Variants in ASNS observed in about 807,000 individuals in gnomAD.
The protein encoded by ASNS is asparagine synthetase (glutamine-hydrolyzing).
ASNS carries 37 observed loss-of-function variants against 62.6 expected under a neutral mutation model. The observed-to-expected ratio is 0.59, with a 90% CI of 0.45 to 0.78. The LOEUF is 0.78. Ranked by LOEUF, ASNS falls within the 30% of genes least tolerant of loss-of-function variation. The probability of loss-of-function intolerance (pLI) is 0.00; values close to 1 mark genes in which losing one functional copy is unlikely to be tolerated. For synonymous variants in ASNS, 207 were observed against 237.9 expected (o/e 0.87, Z 1.19); for missense variants, 520 against 682.4 (o/e 0.76, Z 2.65).
the ASNS span, among the ~76,000 whole-genome samples, chr7:97,913,926 G>T: frequency 6.6e-6 from 1 of 151,442 alleles, no homozygotes; most frequent in African/African-American, 2.4e-5. Context: ...GTGGAGAAAT[G>T]GATAAGTGGG....
chr7:97,857,061 C>T (rs1397415904), intron 7 of ASNS, among the ~76,000 whole-genome samples: 1 of 152,188 alleles, frequency 6.6e-6, no homozygotes, highest in Admixed American at 6.5e-5. Context: ...AAGGCTTCAA[C>T]CATTCTCCCA....
chr7:97,886,653 CAAA>C, the ASNS span, among the ~76,000 whole-genome samples: 1 of 145,118 alleles, frequency 6.9e-6, no homozygotes, highest in Non-Finnish European at 1.5e-5. Flanking sequence ...TAGTTAAAAA[CAAA>C]AAAAAAAGAA....
chr7:97,884,758 A>T, the ASNS span, among the ~76,000 whole-genome samples: 1 of 152,206 alleles, frequency 6.6e-6, no homozygotes, highest in Non-Finnish European at 1.5e-5. Context: ...TGATTTGCCC[A>T]TTTAAAGTGA....
intron 8 of ASNS, among the ~76,000 whole-genome samples, chr7:97,856,141 C>T (rs1282652517): frequency 1.3e-5 from 2 of 152,132 alleles, no homozygotes; most frequent in African/African-American, 4.8e-5. Context: ...GATATTTTTG[C>T]CTTCCAAGGC....
the ASNS span, among the ~76,000 whole-genome samples, chr7:97,902,926 C>A: frequency 6.6e-6 from 1 of 152,110 alleles, no homozygotes; most frequent in East Asian, 1.9e-4. Context: ...GCTATTTTGC[C>A]CCCTGGGGAC....
At chr7:97,854,792 G>T in intron 9 of ASNS, 112 bp from the exon 10 acceptor site, 1 of 1,551,340 alleles carries the variant, frequency 6.4e-7, no homozygotes, top group Non-Finnish European at 8.7e-7. Flanking sequence ...ACAAATTTAG[G>T]GAAGGGAGTA....
At chr7:97,883,987 C>CAAAAAAAAAAAAA in the ASNS span, among the ~76,000 whole-genome samples, 1 of 104,366 alleles carries the variant, frequency 9.6e-6, no homozygotes, top group African/African-American at 3.8e-5. Flanking sequence ...GACTCCATCT[C>CAAAAAAAAAAAAA]AAAAAAAAAA....
the ASNS span, among the ~76,000 whole-genome samples, chr7:97,920,307 T>C: frequency 2.0e-5 from 3 of 152,262 alleles, no homozygotes; most frequent in African/African-American, 7.2e-5. Flanking sequence ...CCTGGCCCTC[T>C]TGTCCTAACT....
chr7:97,927,601 AAAG>A, the ASNS span, among the ~76,000 whole-genome samples: 1 of 152,266 alleles, frequency 6.6e-6, no homozygotes, highest in African/African-American at 2.4e-5. Context: ...AGTCCACGTA[AAAG>A]AAGGAGGTAG....
the ASNS span, among the ~76,000 whole-genome samples, chr7:97,884,968 G>A: frequency 3.9e-5 from 6 of 152,152 alleles, no homozygotes; most frequent in African/African-American, 1.2e-4. Flanking sequence ...GCACAATCTC[G>A]GCTCACTGCA....
In ASNS at chr7:97,859,927, A is replaced by G. The variant is rs200172641; in HGVS notation, c.488-529T>C. Reference sequence around the variant, plus strand: ...ATCCCTTAACTAGTTGTTATACACTATATGTGAATAAAACCATATAACTTA... The same window carrying G: ...ATCCCTTAACTAGTTGTTATACACTGTATGTGAATAAAACCATATAACTTA... On this transcript the variant is annotated intron_variant, in intron 4 of 12. Coordinates refer to ENST00000394308, the MANE Select transcript of ASNS (RefSeq NM_001673.5). Among the ~76,000 whole-genome samples the G allele has an allele frequency of 1.3e-5, 2 of 152,372 alleles. 1 individual carries two copies. The highest frequency in any genetic ancestry group is 6.8e-3 in the Middle Eastern group (2 of 294).
the ASNS span, among the ~76,000 whole-genome samples, chr7:97,926,226 C>T: frequency 2.6e-5 from 4 of 151,994 alleles, no homozygotes; most frequent in African/African-American, 9.7e-5. Flanking sequence ...GACATCCAGT[C>T]ACATTAAAAC....
chr7:97,913,932 G>A, the ASNS span, among the ~76,000 whole-genome samples: 1 of 151,520 alleles, frequency 6.6e-6, no homozygotes, highest in East Asian at 1.9e-4. Context: ...AAATGGATAA[G>A]TGGGTGAGGG....
chr7:97,927,338 G>A, the ASNS span, among the ~76,000 whole-genome samples: 27 of 152,102 alleles, frequency 1.8e-4, no homozygotes, highest in Non-Finnish European at 3.2e-4. Context: ...CAGGCACAAC[G>A]CTAAGTCTTT....
At chr7:97,904,414 G>T in the ASNS span, among the ~76,000 whole-genome samples, 2 of 152,056 alleles carry the variant, frequency 1.3e-5, no homozygotes, top group Middle Eastern at 3.4e-3. Flanking sequence ...AACATCAGAA[G>T]TTGTTTTTCT....
chr7:97,900,371 A>AAC, the ASNS span, among the ~76,000 whole-genome samples: 6 of 150,922 alleles, frequency 4.0e-5, no homozygotes, highest in African/African-American at 1.5e-4. Context: ...AAAAAAAAAA[A>AAC]AAAAAAAAAA....
chr7:97,854,824 A>AATG (rs1425603807), intron 9 of ASNS, 144 bp from the exon 10 acceptor site: 1 of 1,442,924 alleles, frequency 6.9e-7, no homozygotes, highest in Non-Finnish European at 9.4e-7. Flanking sequence ...AGAGGTAAGC[A>AATG]ATGCTTCACA....
Position 97,871,202 on chromosome 7 carries a change from A to G in ASNS, c.-60+1149T>C, listed in dbSNP as rs1792242097. Among the ~76,000 whole-genome samples, 5 of 152,254 alleles carry G rather than the reference A, an allele frequency of 3.3e-5. No homozygotes were observed. In the South Asian group the frequency reaches 1.0e-3, roughly 31 times the overall value. On this transcript the variant is annotated intron_variant, in intron 1 of 12. Coordinates refer to ENST00000394308, the MANE Select transcript of ASNS (RefSeq NM_001673.5). ...ATCAATATAAAATATTATCGAGCAG[A>G]TATTTTACACTGTTCTTCCTACTCC...
At chr7:97,900,359 TCAAAAAA>T in the ASNS span, among the ~76,000 whole-genome samples, 1 of 58,386 alleles carries the variant, frequency 1.7e-5, no homozygotes, top group Middle Eastern at 9.6e-3. Context: ...AGACTTTGTC[TCAAAAAA>T]AAAAAAAAAA....
Sources: allele counts gnomAD v4.1 joint callset (sites outside exome capture counted in the v4.1 genomes callset), GRCh38; gene constraint gnomAD v4.1.1; transcripts MANE v1.5; gene names NCBI Gene and HGNC (gene_info 2026-07-23, HGNC 2026-07-21).